The following KSR2 variants were observed in gnomAD, a reference collection of about 807,000 sequenced individuals.
KSR2 encodes the protein kinase suppressor of ras 2.
KSR2 carries 25 observed loss-of-function variants against 107.8 expected under a neutral mutation model. The observed-to-expected ratio is 0.23, with a 90% CI of 0.17 to 0.32. The LOEUF is 0.32. Among genes scored for constraint, KSR2 ranks in the 10% least tolerant of loss-of-function variants. The probability of loss-of-function intolerance (pLI) is 1.00; values close to 1 mark genes in which losing one functional copy is unlikely to be tolerated. For missense variants in KSR2, 887 were observed against 1,268.9 expected (o/e 0.70, Z 4.57); for synonymous variants, 480 against 507.0 (o/e 0.95, Z 0.71).
At position 117,761,024 on chromosome 12, in the gene KSR2, C is replaced by T. The variant is rs1197011634; in HGVS notation, c.973G>A (p.Ala325Thr). The T allele has an allele frequency of 1.6e-5, 26 of 1,613,530 alleles. No homozygotes were observed. The highest frequency in any genetic ancestry group is 1.9e-5 in the Non-Finnish European group (22 of 1,179,726). Residue 325 changes from alanine to threonine, a missense_variant, in exon 4 of 20, where the codon GCC becomes ACC. Around this residue, in one of 8 missense-constraint regions of KSR2, gnomAD observed 399 missense variants for 479.5 expected, o/e 0.83. Transcript: ENST00000339824. ...EFQLGHRVDE[A>T]HTPKAKKKSK... ...GATCGCACTCACTTGGGCGTGTGGG[C>T]CTCGTCCACGCGGTGCCCCAGCTGG...
intron 6 of KSR2, among the ~76,000 whole-genome samples, chr12:117,580,878 G>A (rs532106316): frequency 1.4e-4 from 22 of 151,810 alleles, no homozygotes; most frequent in African/African-American, 4.8e-4. Context: ...AGCCAAGGGC[G>A]TGGCTGAGCC....
rs143683477 is a variant in KSR2 at position 117,665,812 on chromosome 12, C to T, written c.1171+1662G>A. On this transcript the variant is annotated intron_variant, in intron 5 of 19. Transcript: ENST00000339824. ...AACAGGTTCAGAGGCTTTGAACTCACTTGAGGTCACACATAATTGCTTAAA... is the reference window on the plus strand; with the variant it reads ...AACAGGTTCAGAGGCTTTGAACTCATTTGAGGTCACACATAATTGCTTAAA... 1.2e-3 allele frequency among the ~76,000 whole-genome samples: 190 copies of T among 152,348 alleles called. 2 individuals are homozygous for T. The highest frequency in any genetic ancestry group is 4.3e-3 in the African/African-American group (177 of 41,584).
intron 3 of KSR2, among the ~76,000 whole-genome samples, chr12:117,791,712 G>C (rs1221288546): frequency 2.6e-5 from 4 of 152,058 alleles, no homozygotes; most frequent in Non-Finnish European, 5.9e-5. Flanking sequence ...CATTTGAATG[G>C]GACATGGTGA....
At chr12:117,935,527 G>A (rs1489836794) in intron 1 of KSR2, among the ~76,000 whole-genome samples, 1 of 152,110 alleles carries the variant, frequency 6.6e-6, no homozygotes, top group Non-Finnish European at 1.5e-5. Flanking sequence ...TTGGGAGGCC[G>A]AGGTGGGTGG....
At chr12:117,628,513 G>T (rs1215337767) in intron 5 of KSR2, among the ~76,000 whole-genome samples, 1 of 152,206 alleles carries the variant, frequency 6.6e-6, no homozygotes, top group Admixed American at 6.5e-5. Flanking sequence ...CTGTTTGCCT[G>T]GGTATCACCA....
chr12:117,940,317 ACT>A (rs1449519926), intron 1 of KSR2, among the ~76,000 whole-genome samples: 1 of 151,878 alleles, frequency 6.6e-6, no homozygotes, highest in Admixed American at 6.6e-5. Context: ...ACCCCAGCAA[ACT>A]CTCTGTTTTG....
rs116000446 is a variant in KSR2 at position 117,781,399 on chromosome 12, T to C, written c.473-19875A>G. On this transcript the variant is annotated intron_variant, in intron 3 of 19. Coordinates refer to ENST00000339824, the MANE Select transcript of KSR2 (RefSeq NM_173598.6). Reference sequence around the variant, plus strand: ...CAGCCAGAACCAGTCTGTCCAAAGATGTGATCCACCGGAGGAGGCTCAGAG... The same window carrying C: ...CAGCCAGAACCAGTCTGTCCAAAGACGTGATCCACCGGAGGAGGCTCAGAG... Among the ~76,000 whole-genome samples the C allele has an allele frequency of 9.6e-3, 1,465 of 152,126 alleles. 27 individuals are homozygous for C. Among genetic ancestry groups the C allele is most frequent in the African/African-American group, 0.033 (1,381 of 41,490 alleles).
intron 4 of KSR2, among the ~76,000 whole-genome samples, chr12:117,711,212 C>T (rs1216002158): frequency 1.3e-5 from 2 of 152,206 alleles, no homozygotes; most frequent in African/African-American, 2.4e-5. Context: ...TTTTAAAGTG[C>T]CTCACGTGCC....
chr12:117,478,838 C>T (rs1871969699), intron 16 of KSR2, among the ~76,000 whole-genome samples: 1 of 152,208 alleles, frequency 6.6e-6, no homozygotes, highest in Non-Finnish European at 1.5e-5. Flanking sequence ...CTGTTCTAGA[C>T]TATTATATAT....
intron 9 of KSR2, among the ~76,000 whole-genome samples, chr12:117,545,231 C>A (rs751243149): frequency 6.6e-6 from 1 of 152,066 alleles, no homozygotes; most frequent in African/African-American, 2.4e-5. Flanking sequence ...AGAATTTTCG[C>A]ATCTATATTA....
At chr12:117,674,241 C>T (rs552236476) in intron 4 of KSR2, 123 of 490,164 alleles carry the variant, frequency 2.5e-4, no homozygotes, top group African/African-American at 2.2e-3. Flanking sequence ...CTCTCCATCT[C>T]TAGCCCCAAT....
chr12:117,552,082 C>T (rs1214036361), intron 9 of KSR2, among the ~76,000 whole-genome samples: 1 of 152,208 alleles, frequency 6.6e-6, no homozygotes, highest in Non-Finnish European at 1.5e-5. Context: ...TTGCTCAGCC[C>T]TCCCAGCAGT....
intron 1 of KSR2, among the ~76,000 whole-genome samples, chr12:117,862,731 T>C (rs896797195): frequency 0.017 from 2,000 of 118,816 alleles, 17 homozygotes; most frequent in Non-Finnish European, 0.023. Flanking sequence ...TCCCCCCCTT[T>C]TTTTTTTTTT....
chr12:117,784,021 A>G (rs1416278135), intron 3 of KSR2, among the ~76,000 whole-genome samples: 2 of 152,204 alleles, frequency 1.3e-5, no homozygotes, highest in Non-Finnish European at 2.9e-5. Context: ...GGAAGAGTAC[A>G]TGAGAATTTT....
intron 4 of KSR2, among the ~76,000 whole-genome samples, chr12:117,695,484 T>C (rs1289423431): frequency 2.0e-5 from 3 of 149,284 alleles, no homozygotes; most frequent in African/African-American, 7.4e-5. Context: ...GGTGGGTGGA[T>C]CCCTTGAGCT....
chr12:117,742,553 T>TG (rs1307165802), intron 4 of KSR2, among the ~76,000 whole-genome samples: 19 of 151,160 alleles, frequency 1.3e-4, no homozygotes, highest in African/African-American at 3.2e-4. Context: ...GATGGATGGA[T>TG]GAATGGGCAG....
At chr12:117,926,987 T>G (rs1480107399) in intron 1 of KSR2, among the ~76,000 whole-genome samples, 1 of 152,216 alleles carries the variant, frequency 6.6e-6, no homozygotes, top group African/African-American at 2.4e-5. Flanking sequence ...TGGAAAGTGC[T>G]TAGCTCAGTC....
At chr12:117,892,103 A>C (rs1894364389) in intron 1 of KSR2, among the ~76,000 whole-genome samples, 1 of 152,196 alleles carries the variant, frequency 6.6e-6, no homozygotes, top group Non-Finnish European at 1.5e-5. Flanking sequence ...GTTCGAGACC[A>C]GCCTGGCTAA....
chr12:117,911,174 T>TCACACA lies in KSR2; in HGVS notation c.181-50749_181-50744dup, dbSNP rs374154062. ...CACATTCTTTCTCTCTCTCTCTCTC[T>TCACACA]CACACACACACACACACACACACAC... On this transcript the variant is annotated intron_variant, in intron 1 of 19. Coordinates refer to ENST00000339824, the MANE Select transcript of KSR2 (RefSeq NM_173598.6). Among the ~76,000 whole-genome samples the TCACACA allele has an allele frequency of 9.2e-3, 1,373 of 149,022 alleles. 20 individuals carry two copies. Among genetic ancestry groups the TCACACA allele is most frequent in the African/African-American group, 0.029 (1,176 of 40,456 alleles).
Sources: gnomAD v4.1 joint callset for allele counts (sites outside exome capture counted in the v4.1 genomes callset) on GRCh38, gnomAD v4.1.1 for gene constraint, gnomAD v4.1.1 regional missense constraint, MANE v1.5 for transcripts, NCBI Gene and HGNC (gene_info 2026-07-23, HGNC 2026-07-21) for gene names.